Variants in LAMA4 observed in about 807,000 individuals in gnomAD.
LAMA4 encodes the protein laminin subunit alpha-4.
A neutral mutation model predicts 207.1 loss-of-function variants in LAMA4; 127 were observed. That is an observed-to-expected ratio of 0.61 (90% CI 0.53 to 0.71). The LOEUF (loss-of-function observed/expected upper bound fraction) is 0.71, where lower values mean the gene tolerates loss of function less well. Among genes scored for constraint, LAMA4 ranks in the 30% least tolerant of loss-of-function variants. LAMA4 has a pLI of 0.00. For synonymous variants in LAMA4, 761 were observed against 816.0 expected (o/e 0.93, Z 1.15); for missense variants, 2,093 against 2,246.5 (o/e 0.93, Z 1.38).
At chr6:112,241,190 T>TATGAATATATAC (rs1786471864) in intron 2 of LAMA4, among the ~76,000 whole-genome samples, 1 of 140,544 alleles carries the variant, frequency 7.1e-6, no homozygotes, top group African/African-American at 2.6e-5. Flanking sequence ...TGAATATATA[T>TATGAATATATAC]GAATATATAT....
At chr6:112,146,163 G>T (rs9372322) in intron 18 of LAMA4, among the ~76,000 whole-genome samples, 1 of 151,914 alleles carries the variant, frequency 6.6e-6, no homozygotes, top group Non-Finnish European at 1.5e-5. Context: ...GGTGGTGCAC[G>T]CCTGTAATCC....
chr6:112,230,475 T>G (rs1399315096), intron 2 of LAMA4, among the ~76,000 whole-genome samples: 1 of 152,228 alleles, frequency 6.6e-6, no homozygotes, highest in African/African-American at 2.4e-5. Context: ...TCTGAAAAAA[T>G]GGGGCTGCTC....
chr6:112,124,758 TC>T (rs1778581363), intron 31 of LAMA4, among the ~76,000 whole-genome samples: 1 of 137,420 alleles, frequency 7.3e-6, no homozygotes, highest in Non-Finnish European at 1.6e-5. Context: ...TATAGGGGTA[TC>T]TTTTTTTTTT....
In LAMA4 at chr6:112,185,228, C is replaced by A. The variant is rs782307471; in HGVS notation, c.1077+9G>T. The stretch of plus-strand genomic sequence containing the variant: ...GGCTGTCCCAGAAACTGAATACATA[C>A]ATACGTACCTTTTCAACTAATTCCT... On this transcript the variant is annotated intron_variant, in intron 9 of 38. Transcript: ENST00000230538. The A allele has an allele frequency of 6.5e-7, 1 of 1,537,908 alleles. No individual in the cohort carries two copies. The highest frequency in any genetic ancestry group is 9.0e-7 in the Non-Finnish European group (1 of 1,110,762).
chr6:112,224,793 G>GCGA (rs1192759365), intron 2 of LAMA4, among the ~76,000 whole-genome samples: 4 of 145,476 alleles, frequency 2.7e-5, no homozygotes, highest in Non-Finnish European at 6.0e-5. Context: ...TCCAGCCTGG[G>GCGA]CGACAGAGCA....
chr6:112,172,815 A>G lies in LAMA4; in HGVS notation c.1358-11T>C, dbSNP rs1554342430. The G allele has an allele frequency of 4.3e-6, 7 of 1,611,740 alleles. No individual in the cohort carries two copies. The highest frequency in any genetic ancestry group is 5.9e-6 in the Non-Finnish European group (7 of 1,178,126). On this transcript the variant is annotated splice_polypyrimidine_tract_variant and intron_variant, in intron 11 of 38. Transcript: ENST00000230538. ...CAGCCTGGCTCAGTACTGGGAAGAA[A>G]TGGAGATAAAGGCTCAGTGTGGCTT... is the stretch of plus-strand genomic sequence containing the variant.
At chr6:112,185,174 C>T (rs1324238362) in intron 9 of LAMA4, 63 bp downstream of exon 9, 32 of 1,106,450 alleles carry the variant, frequency 2.9e-5, no homozygotes, top group Non-Finnish European at 4.2e-5. Flanking sequence ...GACCAGCCAG[C>T]CTCACATCAG....
rs782551687 is a variant in LAMA4, at chr6:112,141,493, T to C, written c.2678A>G (p.Glu893Gly). 1 of 1,604,120 alleles carries C rather than the reference T, an allele frequency of 6.2e-7. No individual in the cohort carries two copies. Among genetic ancestry groups the C allele is most frequent in the African/African-American group, 1.3e-5 (1 of 74,728 alleles). The part of the protein sequence containing the change: ...LYLGSKNAKK[E>G]YMGLAIKNDN... ...ATTTTTGATTGCAAGACCCATATAC[T>C]CTTTTTTGGCCTGAAATATCAAGAA... The change falls in exon 21 of 39, where the codon GAG becomes GGG. Residue 893 changes from glutamate (E) to glycine (G), a missense_variant. Transcript: ENST00000230538.
chr6:112,114,895 G>A (rs1554323028), intron 36 of LAMA4, 139 bp from the exon 37 acceptor site: 4 of 703,262 alleles, frequency 5.7e-6, no homozygotes, highest in South Asian at 3.1e-5. Flanking sequence ...GAACACAAGG[G>A]TCTTTGGCAG....
Position 112,139,796 on chromosome 6 carries a change from C to T in LAMA4, c.3066G>A (p.Lys1022=). ...NNDVISLYNF[K]HIYNMDPSTS... is the part of the protein sequence containing the mutation. ...TGGAGGGGTCCATATTATAGATGTGCTTAAAGTTGTACAAGCTGATCACAT... is the reference window on the plus strand; with the variant it reads ...TGGAGGGGTCCATATTATAGATGTGTTTAAAGTTGTACAAGCTGATCACAT... The change falls in exon 23 of 39, where the codon AAG becomes AAA. Residue 1022 remains lysine, a synonymous_variant. Transcript: ENST00000230538. 1 of 1,614,054 alleles carries T rather than the reference C, an allele frequency of 6.2e-7. No homozygotes were observed. Among genetic ancestry groups the T allele is most frequent in the Non-Finnish European group, 8.5e-7 (1 of 1,179,922 alleles).
chr6:112,200,592 T>C (rs1484587960), intron 5 of LAMA4, among the ~76,000 whole-genome samples: 13 of 152,220 alleles, frequency 8.5e-5, no homozygotes, highest in African/African-American at 3.1e-4. Flanking sequence ...CATATGTTTA[T>C]TGCAGCACTA....
At chr6:112,226,903 T>A (rs1456489486) in intron 2 of LAMA4, among the ~76,000 whole-genome samples, 1 of 151,976 alleles carries the variant, frequency 6.6e-6, no homozygotes, top group African/African-American at 2.4e-5. Flanking sequence ...CAAAATAATA[T>A]GATGTAATAA....
At chr6:112,160,418 G>A (rs1267017079) in intron 13 of LAMA4, among the ~76,000 whole-genome samples, 1 of 151,836 alleles carries the variant, frequency 6.6e-6, no homozygotes, top group Non-Finnish European at 1.5e-5. Flanking sequence ...ATATAAACAT[G>A]CTCAAGTATC....
chr6:112,148,007 C>T, intron 18 of LAMA4, 150 bp downstream of exon 18: 1 of 690,710 alleles, frequency 1.4e-6, no homozygotes, highest in Non-Finnish European at 2.5e-6. Flanking sequence ...GATAGATGAA[C>T]AGTGCAAAAG....
Position 112,122,130 on chromosome 6 carries a change from T to C in LAMA4, c.4359A>G (p.Arg1453=). 1 of 1,613,958 alleles carries C rather than the reference T, an allele frequency of 6.2e-7. No homozygotes were observed. The highest frequency in any genetic ancestry group is 8.5e-7 in the Non-Finnish European group (1 of 1,179,876). Residue 1453 remains arginine, a synonymous_variant, in exon 32 of 39, where the codon AGA becomes AGG. Coordinates refer to ENST00000230538, the MANE Select transcript of LAMA4 (RefSeq NM_001105206.3). ...TGTTGGAAAGGTGGCAATGAGAGTT[T>C]CTTGGAGTATTCCGCTCTGGGAGTT... ...ALKLPERNTP[R]NSHCHLSNSP...
At chr6:112,168,304 C>T (rs1156573032) in intron 12 of LAMA4, among the ~76,000 whole-genome samples, 3 of 150,338 alleles carry the variant, frequency 2.0e-5, no homozygotes, top group Non-Finnish European at 4.4e-5. Flanking sequence ...ATGGCTGCAC[C>T]AGTAGAGAGG....
chr6:112,159,563 A>G (rs562605810), intron 13 of LAMA4: 1 of 153,128 alleles, frequency 6.5e-6, no homozygotes, highest in African/African-American at 2.4e-5. Context: ...TGCTGCAAAG[A>G]GATTTGTTCT....
At position 112,117,724 on chromosome 6, in the gene LAMA4, C is replaced by T. The variant is rs782605776; in HGVS notation, c.4981+15G>A. 9.9e-6 allele frequency: 16 copies of T among 1,609,960 alleles called. No homozygotes were observed. Among genetic ancestry groups the T allele is most frequent in the Non-Finnish European group, 1.3e-5 (15 of 1,176,754 alleles). On this transcript the variant is annotated intron_variant, in intron 35 of 38. Transcript: ENST00000230538. This position sits in a 1 kb window ranked among gnomAD's most constrained non-coding sequence, Gnocchi z 4.5. ...AGCATTTCATGACTCATATTTTTAACATGACTAATGTTACCTAGAACCACG... is the reference window on the plus strand; with the variant it reads ...AGCATTTCATGACTCATATTTTTAATATGACTAATGTTACCTAGAACCACG...
intron 2 of LAMA4, among the ~76,000 whole-genome samples, chr6:112,239,679 A>AT (rs781985602): frequency 1.3e-5 from 2 of 152,170 alleles, no homozygotes; most frequent in Non-Finnish European, 2.9e-5. Context: ...CTACACTTGT[A>AT]TTCCTTGGGG....
Sources: allele counts gnomAD v4.1 joint callset (sites outside exome capture counted in the v4.1 genomes callset), GRCh38; gene constraint gnomAD v4.1.1; non-coding constraint Gnocchi (gnomAD v3.1); transcripts MANE v1.5; gene names NCBI Gene and HGNC (gene_info 2026-07-23, HGNC 2026-07-21).